Variants in PRDM10 observed in about 807,000 individuals in gnomAD.
PRDM10 encodes PR domain zinc finger protein 10.
Under a neutral mutation model 133.1 loss-of-function variants are expected in PRDM10, and 65 were observed. The observed-to-expected ratio is 0.49, with a 90% CI of 0.40 to 0.60. PRDM10 has a LOEUF of 0.60. PRDM10 is among the 20% of genes least tolerant of loss of function. PRDM10 has a pLI of 0.00. For synonymous variants in PRDM10, 582 were observed against 580.4 expected, an observed-to-expected ratio of 1.00 and a Z score of -0.04; for missense variants, 1,137 against 1,507.1, an observed-to-expected ratio of 0.75 and a Z score of 4.07.
rs755593211 is a variant in PRDM10, at chr11:129,910,560, G to A, written c.3079C>T (p.Leu1027=). The stretch of plus-strand genomic sequence containing the variant: ...TGCTGCTGCTGCTGCTGCTGCTGCA[G>A]AGCCTGCCCCTGTGTGGAAGAACTG... ...QGSSSTQGQA[L]QQQQQQQQNS... Residue 1027 remains leucine (L), a synonymous_variant, in exon 19 of 21, where the codon CTG becomes TTG. Transcript: ENST00000360871. 1.9e-5 allele frequency: 30 copies of A among 1,614,034 alleles called. No individual in the cohort carries two copies. The highest frequency in any genetic ancestry group is 2.5e-5 in the Non-Finnish European group (30 of 1,180,042).
intron 1 of PRDM10, among the ~76,000 whole-genome samples, chr11:129,976,729 G>A (rs1937779997): frequency 2.0e-5 from 3 of 152,138 alleles, no homozygotes; most frequent in Admixed American, 1.3e-4. Flanking sequence ...ACTGATTGCT[G>A]GAACAAATAA....
intron 19 of PRDM10, among the ~76,000 whole-genome samples, chr11:129,910,054 A>G (rs1345766329): frequency 6.6e-6 from 1 of 152,194 alleles, no homozygotes; most frequent in East Asian, 1.9e-4. Flanking sequence ...CTGGCAATGT[A>G]GTAAGAGCTT....
chr11:129,917,294 C>T, intron 14 of PRDM10, 57 bp from the exon 15 acceptor site: 1 of 1,290,898 alleles, frequency 7.7e-7, no homozygotes, highest in Non-Finnish European at 1.1e-6. Context: ...CAAACAGAAG[C>T]TACACGAATG....
chr11:129,933,803 C>A (rs919309344), intron 9 of PRDM10, among the ~76,000 whole-genome samples: 3 of 152,044 alleles, frequency 2.0e-5, no homozygotes, highest in Admixed American at 1.3e-4. Flanking sequence ...CTGTGTCCAC[C>A]CCCTCCTTAG....
intron 1 of PRDM10, among the ~76,000 whole-genome samples, chr11:129,969,639 CAAA>C (rs140612028): frequency 1.1e-4 from 11 of 103,454 alleles, no homozygotes; most frequent in African/African-American, 1.5e-4. Context: ...ACTAGAAATA[CAAA>C]AAAAAAAAAA....
intron 20 of PRDM10, among the ~76,000 whole-genome samples, chr11:129,903,538 G>A (rs1030265463): frequency 6.6e-5 from 10 of 151,998 alleles, no homozygotes; most frequent in Admixed American, 1.3e-4. Flanking sequence ...AAACGTCTTC[G>A]TGACGTTCAG....
At chr11:129,955,705 A>C in intron 3 of PRDM10, 134 bp from the exon 4 acceptor site, 1 of 652,810 alleles carries the variant, frequency 1.5e-6, no homozygotes, top group Non-Finnish European at 2.6e-6. Flanking sequence ...AGCTTTCATT[A>C]ATACAGAAAA....
intron 1 of PRDM10, among the ~76,000 whole-genome samples, chr11:129,989,440 C>G (rs1938610908): frequency 6.6e-6 from 1 of 152,186 alleles, no homozygotes; most frequent in South Asian, 2.1e-4. Flanking sequence ...GTGGGGGATA[C>G]AGATACAATG....
rs1949871453 is a variant in PRDM10 at position 129,902,481 on chromosome 11, C to T, written c.3303G>A (p.Leu1101=). The change falls in exon 21 of 21, where the codon TTG becomes TTA. Residue 1101 remains leucine, a synonymous_variant. Coordinates refer to ENST00000360871, the MANE Select transcript of PRDM10 (RefSeq NM_199437.2). ...AGAGGGCAGAAGTTTGCTTTTCTTCCAATTCTGATTGACTTTCTGATAACA... is the reference window on the plus strand; with the variant it reads ...AGAGGGCAGAAGTTTGCTTTTCTTCTAATTCTGATTGACTTTCTGATAACA... ...HYVLSESQSE[L]EEKQTSALSG... 6.2e-7 allele frequency: 1 copy of T among 1,614,118 alleles called. No individual in the cohort carries two copies.
chr11:129,933,324 A>T (rs1048558254), intron 9 of PRDM10, among the ~76,000 whole-genome samples: 1 of 152,200 alleles, frequency 6.6e-6, no homozygotes, highest in African/African-American at 2.4e-5. Context: ...ACCCAATTCC[A>T]ACATTTTTCA....
intron 1 of PRDM10, among the ~76,000 whole-genome samples, chr11:129,972,437 A>G (rs1218985970): frequency 6.6e-6 from 1 of 152,270 alleles, no homozygotes; most frequent in East Asian, 1.9e-4. Context: ...TGTGAGACTG[A>G]AAATTCAAAA....
intron 11 of PRDM10, chr11:129,929,393 A>C: frequency 6.4e-7 from 1 of 1,567,156 alleles, no homozygotes; most frequent in Non-Finnish European, 8.7e-7. Context: ...TATGTGAAAC[A>C]CAGGAAACAA....
chr11:129,959,771 T>A (rs1951760429), intron 2 of PRDM10, among the ~76,000 whole-genome samples: 1 of 152,164 alleles, frequency 6.6e-6, no homozygotes, highest in Non-Finnish European at 1.5e-5. Flanking sequence ...GTAATCAGAC[T>A]AAGACTTTAT....
intron 2 of PRDM10, among the ~76,000 whole-genome samples, chr11:129,959,499 G>C (rs980877001): frequency 1.2e-4 from 19 of 152,152 alleles, no homozygotes; most frequent in African/African-American, 4.6e-4. Flanking sequence ...CCAGCTGGCG[G>C]AAGAACCAGT....
rs557358429 is a variant in PRDM10 at position 129,998,160 on chromosome 11, T to C, written c.-119+4562A>G. Among the ~76,000 whole-genome samples the C allele has an allele frequency of 7.9e-5, 12 of 152,346 alleles. No homozygotes were observed. In the South Asian group the frequency reaches 1.9e-3, roughly 24 times the overall value. On this transcript the variant is annotated intron_variant, in intron 1 of 20. Coordinates refer to ENST00000360871, the MANE Select transcript of PRDM10 (RefSeq NM_199437.2). ...TCATTTCAACATTTAATCAATATTT[T>C]ATAAATTGAAAGATATTATTTTTTT... is the stretch of plus-strand genomic sequence containing the variant.
intron 5 of PRDM10, among the ~76,000 whole-genome samples, chr11:129,946,426 G>T (rs577444079): frequency 6.6e-6 from 1 of 152,308 alleles, no homozygotes; most frequent in South Asian, 2.1e-4. Context: ...AGGAGAAACA[G>T]GATGAAACCA....
chr11:129,987,327 T>C (rs919437372), intron 1 of PRDM10, among the ~76,000 whole-genome samples: 4 of 152,250 alleles, frequency 2.6e-5, no homozygotes, highest in African/African-American at 9.6e-5. Context: ...CTTATTTTTG[T>C]AGTGCCTTTT....
intron 1 of PRDM10, among the ~76,000 whole-genome samples, chr11:129,972,663 G>A (rs552405044): frequency 6.6e-6 from 1 of 152,310 alleles, no homozygotes; most frequent in Admixed American, 6.5e-5. Flanking sequence ...GTGGCCACAG[G>A]ACTGATCATG....
At chr11:129,991,084 A>G (rs573153638) in intron 1 of PRDM10, among the ~76,000 whole-genome samples, 81 of 152,300 alleles carry the variant, frequency 5.3e-4, no homozygotes, top group African/African-American at 1.9e-3. Context: ...AGGCAAGCAA[A>G]TCACAGGCTC....
Sources: allele counts gnomAD v4.1 joint callset (sites outside exome capture counted in the v4.1 genomes callset), GRCh38; gene constraint gnomAD v4.1.1; transcripts MANE v1.5; gene names NCBI Gene and HGNC (gene_info 2026-07-23, HGNC 2026-07-21).